The following SCFD2 variants were observed in gnomAD, a reference collection of about 807,000 sequenced individuals.
SCFD2 encodes sec1 family domain-containing protein 2.
In SCFD2, 54 loss-of-function variants were observed where a neutral mutation model predicts 58.9. That is an observed-to-expected ratio of 0.92 (90% CI 0.74 to 1.15). SCFD2 has a LOEUF of 1.15. SCFD2 is among the 50% of genes most tolerant of loss of function. SCFD2 has a pLI of 0.00. For synonymous variants in SCFD2, 321 were observed against 335.9 expected (o/e 0.96, Z 0.49); for missense variants, 805 against 836.6 (o/e 0.96, Z 0.47).
intron 4 of SCFD2, among the ~76,000 whole-genome samples, chr4:53,232,284 T>C (rs776675540): frequency 6.6e-6 from 1 of 152,164 alleles, no homozygotes; most frequent in Non-Finnish European, 1.5e-5. Context: ...ATCTTTTGTA[T>C]TCTCTAGTAA....
At position 53,129,646 on chromosome 4, in the gene SCFD2, A is replaced by G. The variant is rs529858988; in HGVS notation, c.1561+15687T>C. Reference sequence around the variant, plus strand: ...CCCATTCAAGATCTTAATGAACCTCATTTTGAAATTAGAGGATCCTTTTTA... The same window carrying G: ...CCCATTCAAGATCTTAATGAACCTCGTTTTGAAATTAGAGGATCCTTTTTA... On this transcript the variant is annotated intron_variant, in intron 5 of 8. Transcript: ENST00000401642. 7.2e-5 allele frequency among the ~76,000 whole-genome samples: 11 copies of G among 152,316 alleles called. No individual in the cohort carries two copies. In the South Asian group the frequency reaches 2.3e-3, roughly 32 times the overall value.
chr4:53,095,018 A>G (rs1283017688), intron 5 of SCFD2, among the ~76,000 whole-genome samples: 1 of 152,106 alleles, frequency 6.6e-6, no homozygotes, highest in African/African-American at 2.4e-5. Flanking sequence ...ATATTCTATT[A>G]GTTTTCCTCC....
chr4:52,924,127 G>A lies in SCFD2; in HGVS notation c.1562-3257C>T, dbSNP rs545423517. On this transcript the variant is annotated intron_variant, in intron 5 of 8. Coordinates refer to ENST00000401642, the MANE Select transcript of SCFD2 (RefSeq NM_152540.4). The stretch of plus-strand genomic sequence containing the variant: ...TATTTAAAGTAATTCGTTTTCTATA[G>A]AACAGAAAGAGTCATCCATTTTCCA... Among the ~76,000 whole-genome samples the A allele has an allele frequency of 3.9e-5, 6 of 152,234 alleles. No homozygotes were observed. In the East Asian group the frequency reaches 1.2e-3, roughly 29 times the overall value.
chr4:52,877,936 C>T (rs1718517950), intron 8 of SCFD2, among the ~76,000 whole-genome samples: 2 of 152,330 alleles, frequency 1.3e-5, no homozygotes, highest in Middle Eastern at 3.4e-3. Flanking sequence ...CCAAATCAGT[C>T]CCACATTCCA....
At chr4:53,213,546 AT>A (rs1409375310) in intron 4 of SCFD2, among the ~76,000 whole-genome samples, 1 of 152,156 alleles carries the variant, frequency 6.6e-6, no homozygotes, top group Non-Finnish European at 1.5e-5. Context: ...CTGAAAGTAA[AT>A]TCAGGAATTA....
chr4:53,204,662 A>T (rs1391821360), intron 4 of SCFD2, among the ~76,000 whole-genome samples: 1 of 148,722 alleles, frequency 6.7e-6, no homozygotes, highest in African/African-American at 2.5e-5. Flanking sequence ...AAATCAAGAA[A>T]ATTTTCCAGA....
chr4:53,294,961 C>T (rs888662424), intron 3 of SCFD2, among the ~76,000 whole-genome samples: 2 of 151,776 alleles, frequency 1.3e-5, no homozygotes, highest in African/African-American at 4.8e-5. Flanking sequence ...ATGTGTGGTG[C>T]TATTTCTGAG....
chr4:53,230,539 G>A (rs193247884), intron 4 of SCFD2, among the ~76,000 whole-genome samples: 7 of 143,394 alleles, frequency 4.9e-5, no homozygotes, highest in South Asian at 2.2e-4. Context: ...ACCAAACACC[G>A]CATGTTCTCA....
At chr4:53,290,374 A>C (rs1731800333) in intron 3 of SCFD2, among the ~76,000 whole-genome samples, 1 of 152,162 alleles carries the variant, frequency 6.6e-6, no homozygotes. Flanking sequence ...TCCTGAACAA[A>C]CATGGGTCAA....
intron 5 of SCFD2, among the ~76,000 whole-genome samples, chr4:53,111,675 T>C (rs1306133133): frequency 6.6e-6 from 1 of 152,168 alleles, no homozygotes; most frequent in African/African-American, 2.4e-5. Context: ...CACAGCAACA[T>C]TGCTAATTTT....
chr4:53,139,178 T>G (rs1455172677), intron 5 of SCFD2, among the ~76,000 whole-genome samples: 1 of 152,184 alleles, frequency 6.6e-6, no homozygotes, highest in African/African-American at 2.4e-5. Context: ...GTGCTCAATG[T>G]TGCCCAGGCT....
chr4:53,262,672 C>T (rs1042739554), intron 4 of SCFD2, among the ~76,000 whole-genome samples: 1 of 152,216 alleles, frequency 6.6e-6, no homozygotes, highest in African/African-American at 2.4e-5. Flanking sequence ...TTTTGCTTCA[C>T]AGCTCTCAAG....
chr4:52,971,272 A>C (rs1463337009), intron 5 of SCFD2, among the ~76,000 whole-genome samples: 1 of 152,234 alleles, frequency 6.6e-6, no homozygotes, highest in Non-Finnish European at 1.5e-5. Flanking sequence ...ACCTTGAAAA[A>C]AAATTAGACA....
chr4:52,965,173 G>A, intron 5 of SCFD2, among the ~76,000 whole-genome samples: 1 of 152,122 alleles, frequency 6.6e-6, no homozygotes, highest in East Asian at 1.9e-4. Context: ...GCATTCTGTT[G>A]CACATATTTC....
intron 4 of SCFD2, among the ~76,000 whole-genome samples, chr4:53,188,097 T>G (rs1727787217): frequency 6.6e-6 from 1 of 152,096 alleles, no homozygotes; most frequent in South Asian, 2.1e-4. Context: ...GAACATCCTA[T>G]GCTTAATGGT....
chr4:53,053,190 A>G (rs1169874618), intron 5 of SCFD2, among the ~76,000 whole-genome samples: 1 of 150,286 alleles, frequency 6.7e-6, no homozygotes, highest in Admixed American at 6.7e-5. Flanking sequence ...ATGCCACTGC[A>G]CTCCAGCCTG....
chr4:53,304,104 A>T (rs903590773), intron 3 of SCFD2, among the ~76,000 whole-genome samples: 7 of 406 alleles, frequency 0.017, no homozygotes, highest in Admixed American at 0.15. Context: ...AATAATAATA[A>T]AAAAAAAAAG....
chr4:52,896,357 T>G (rs1719012761), intron 7 of SCFD2, among the ~76,000 whole-genome samples: 1 of 152,176 alleles, frequency 6.6e-6, no homozygotes. Context: ...AAGGAAGGGA[T>G]CCAGTTTCAG....
chr4:52,890,214 G>A (rs983854903), intron 7 of SCFD2, among the ~76,000 whole-genome samples: 7 of 152,184 alleles, frequency 4.6e-5, no homozygotes, highest in African/African-American at 1.7e-4. Context: ...AAAGACATAT[G>A]CTTTCTATAA....
Sources: allele counts gnomAD v4.1 joint callset (sites outside exome capture counted in the v4.1 genomes callset), GRCh38; gene constraint gnomAD v4.1.1; transcripts MANE v1.5; gene names NCBI Gene and HGNC (gene_info 2026-07-23, HGNC 2026-07-21).